The following DMC1 variants were observed in gnomAD, a reference collection of about 807,000 sequenced individuals.
DMC1 encodes DNA meiotic recombinase 1, also known as meiotic recombination protein DMC1 homolog.
A neutral mutation model predicts 50.1 loss-of-function variants in DMC1; 27 were observed. That is an observed-to-expected ratio of 0.54 (90% CI 0.40 to 0.74). The LOEUF (loss-of-function observed/expected upper bound fraction) is 0.74, where lower values mean the gene tolerates loss of function less well. Ranked by LOEUF, DMC1 falls within the 30% of genes least tolerant of loss-of-function variation. The pLI is 0.00. For missense variants in DMC1, 295 were observed against 420.2 expected, an observed-to-expected ratio of 0.70 and a Z score of 2.60; for synonymous variants, 148 against 136.1, an observed-to-expected ratio of 1.09 and a Z score of -0.61.
At chr22:38,536,258 A>G (rs1169586221) in intron 12 of DMC1, among the ~76,000 whole-genome samples, 3 of 151,484 alleles carry the variant, frequency 2.0e-5, no homozygotes, top group African/African-American at 4.8e-5. Flanking sequence ...AAGCATTATC[A>G]TGAATTTAGA....
chr22:38,544,530 T>C (rs1356899752), intron 8 of DMC1, among the ~76,000 whole-genome samples: 1 of 152,160 alleles, frequency 6.6e-6, no homozygotes, highest in Non-Finnish European at 1.5e-5. Context: ...TCCCAAAATG[T>C]GTAGAACCAA....
At position 38,539,205 on chromosome 22, in the gene DMC1, T is replaced by A. The variant is rs2090252401; in HGVS notation, c.586+116A>T. The A allele has an allele frequency of 5.3e-6, 4 of 757,566 alleles. No homozygotes were observed. The South Asian group carries it at 6.2e-5, about 12-fold the overall frequency. 46.9% of individuals were successfully genotyped at this position (757,566 alleles called of 1,614,324 possible). Reference sequence around the variant, plus strand: ...GATAAAATTTATAGACTGAGTAAATTAATTTAGAGAAAAATAAAATAGAAA... The same window carrying A: ...GATAAAATTTATAGACTGAGTAAATAAATTTAGAGAAAAATAAAATAGAAA... On this transcript the variant is annotated intron_variant, in intron 9 of 13. Transcript: ENST00000216024.
At chr22:38,537,530 C>T in intron 12 of DMC1, 62 bp downstream of exon 12, 1 of 1,480,666 alleles carries the variant, frequency 6.8e-7, no homozygotes, top group South Asian at 1.1e-5. Flanking sequence ...ATTTTCTATT[C>T]TACGCTCTAA....
intron 7 of DMC1, 122 bp downstream of exon 7, chr22:38,552,544 T>A: frequency 1.5e-5 from 12 of 784,414 alleles, no homozygotes; most frequent in Non-Finnish European, 2.6e-5. Flanking sequence ...TTAATCTGCC[T>A]GTGTTTTAGT....
intron 12 of DMC1, among the ~76,000 whole-genome samples, chr22:38,523,989 GTC>G (rs781721070): frequency 1.1e-4 from 16 of 152,186 alleles, no homozygotes; most frequent in South Asian, 2.1e-4. Flanking sequence ...CTCCCAGCTA[GTC>G]TCTCAATGCT....
chr22:38,526,263 G>A (rs1219736510), intron 12 of DMC1, among the ~76,000 whole-genome samples: 1 of 151,858 alleles, frequency 6.6e-6, no homozygotes, highest in Non-Finnish European at 1.5e-5. Context: ...GGAGTGCAAT[G>A]CCGTGATCGC....
chr22:38,566,546 A>C lies in DMC1; in HGVS notation c.243+44T>G, dbSNP rs11570380. The C allele has an allele frequency of 0.045, 71,761 of 1,610,200 alleles. 1,924 individuals are homozygous for C. Among genetic ancestry groups the C allele is most frequent in the Non-Finnish European group, 0.052 (61,477 of 1,176,892 alleles). On this transcript the variant is annotated intron_variant, in intron 4 of 13. Coordinates refer to ENST00000216024, the MANE Select transcript of DMC1 (RefSeq NM_007068.4). The stretch of plus-strand genomic sequence containing the variant: ...CATGAGAAAGCCTATAAAGATTCAC[A>C]AGGCCCTGCCAAGCTAAAACAGCAA...
chr22:38,537,760 TATAA>T (rs1434728008), intron 11 of DMC1, 108 bp from the exon 12 acceptor site: 5 of 760,542 alleles, frequency 6.6e-6, no homozygotes, highest in Non-Finnish European at 1.1e-5. Flanking sequence ...GAATTTATTT[TATAA>T]ATAACATCAT....
rs1470788631 is a variant in DMC1 at position 38,567,467 on chromosome 22, A to G, written c.96+116T>C. 3.5e-6 allele frequency: 3 copies of G among 865,704 alleles called. No homozygotes were observed. The African/African-American group carries it at 4.9e-5, about 14-fold the overall frequency. 53.6% of individuals were successfully genotyped at this position (865,704 alleles called of 1,614,324 possible). A position where few individuals can be genotyped will look rare whatever the true frequency, so the allele number is the denominator to read the frequency against. ...AGGCCAAGGATGTTGCAAACACCCT[A>G]CAATGCACAGGACGTCCCCTTGCAA... On this transcript the variant is annotated intron_variant, in intron 3 of 13. Transcript: ENST00000216024.
intron 5 of DMC1, among the ~76,000 whole-genome samples, chr22:38,558,782 T>A (rs2090495231): frequency 6.6e-6 from 1 of 152,098 alleles, no homozygotes; most frequent in South Asian, 2.1e-4. Flanking sequence ...AGAGCAAACA[T>A]CAAGGGCACC....
rs369221508 is a variant in DMC1, at chr22:38,519,916, CAT to C, written c.*102_*103del. 148 of 902,672 alleles carry C rather than the reference CAT, an allele frequency of 1.6e-4. 1 individual carries two copies. The highest frequency in any genetic ancestry group is 7.0e-4 in the African/African-American group (43 of 61,216). 55.9% of individuals were successfully genotyped at this position (902,672 alleles called of 1,614,324 possible). On this transcript the variant is annotated 3_prime_UTR_variant, in exon 14 of 14. Transcript: ENST00000216024. ...CTCTTTGCTGACTTTTCTTTAGTAA[CAT>C]GTGGGAAAAAACCTCTATTTCAAGA...
chr22:38,532,409 C>A (rs971546154), intron 12 of DMC1, among the ~76,000 whole-genome samples: 1 of 150,130 alleles, frequency 6.7e-6, no homozygotes, highest in African/African-American at 2.5e-5. Flanking sequence ...TGCAACCTCC[C>A]CTCCCGGGTT....
intron 7 of DMC1, among the ~76,000 whole-genome samples, chr22:38,551,760 G>A (rs2090413425): frequency 6.6e-6 from 1 of 151,996 alleles, no homozygotes; most frequent in Admixed American, 6.6e-5. Context: ...TATTGGTGGG[G>A]GAAATTAGAG....
chr22:38,563,860 C>A (rs377331125), intron 4 of DMC1, among the ~76,000 whole-genome samples: 1 of 151,998 alleles, frequency 6.6e-6, no homozygotes, highest in Non-Finnish European at 1.5e-5. Context: ...CCACCACACC[C>A]GGCTAATATT....
intron 8 of DMC1, among the ~76,000 whole-genome samples, chr22:38,549,032 A>G (rs1013410323): frequency 6.6e-6 from 1 of 152,064 alleles, no homozygotes; most frequent in Non-Finnish European, 1.5e-5. Flanking sequence ...AGTCCTATCA[A>G]TTTTCCTAAT....
intron 6 of DMC1, among the ~76,000 whole-genome samples, chr22:38,553,757 G>A (rs1020086290): frequency 1.3e-5 from 2 of 151,560 alleles, no homozygotes; most frequent in African/African-American, 2.4e-5. Flanking sequence ...TCAGGAGTTC[G>A]AGACCAGCCT....
chr22:38,517,224 T>C (rs570843575), downstream of DMC1, among the ~76,000 whole-genome samples: 5 of 152,302 alleles, frequency 3.3e-5, no homozygotes, highest in East Asian at 1.9e-4. Context: ...TCTCTAAGAA[T>C]TGGCTATCCC....
At chr22:38,558,979 G>T (rs1212080039) in intron 5 of DMC1, among the ~76,000 whole-genome samples, 1 of 152,066 alleles carries the variant, frequency 6.6e-6, no homozygotes, top group Non-Finnish European at 1.5e-5. Context: ...TTGAAAAAAG[G>T]GTATGTGATT....
At position 38,564,362 on chromosome 22, in the gene DMC1, C is replaced by T. The variant is rs970558123; in HGVS notation, c.244-1993G>A. ...TCTCGCTGTGTCACCCAGGCTGGAGCGTAGTGGCGTGATCTTGCCTCACTG... is the reference window on the plus strand; with the variant it reads ...TCTCGCTGTGTCACCCAGGCTGGAGTGTAGTGGCGTGATCTTGCCTCACTG... On this transcript the variant is annotated intron_variant, in intron 4 of 13. Transcript: ENST00000216024. Among the ~76,000 whole-genome samples the T allele has an allele frequency of 3.9e-5, 6 of 151,924 alleles. 1 individual carries two copies. The highest frequency in any genetic ancestry group is 2.6e-4 in the Admixed American group (4 of 15,252).
Sources: allele counts gnomAD v4.1 joint callset (sites outside exome capture counted in the v4.1 genomes callset), GRCh38; gene constraint gnomAD v4.1.1; transcripts MANE v1.5; gene names NCBI Gene and HGNC (gene_info 2026-07-23, HGNC 2026-07-21).